RAB4A: variants seen among roughly 807,000 people sequenced by gnomAD.
RAB4A encodes RAB4A, member RAS oncogene family, also known as ras-related protein Rab-4A.
Under a neutral mutation model 34.5 loss-of-function variants are expected in RAB4A, and 20 were observed. That is an observed-to-expected ratio of 0.58 (90% CI 0.41 to 0.84). The LOEUF is 0.84. RAB4A is among the 40% of genes least tolerant of loss of function. RAB4A has a pLI of 0.00. For synonymous variants in RAB4A, 102 were observed against 100.0 expected, an observed-to-expected ratio of 1.02 and a Z score of -0.12; for missense variants, 228 against 274.5, an observed-to-expected ratio of 0.83 and a Z score of 1.20.
At chr1:229,302,274 TATATATATATATATATATATATATA>T (rs1558242146) in intron 6 of RAB4A, among the ~76,000 whole-genome samples, 19 of 14,710 alleles carry the variant, frequency 1.3e-3, no homozygotes, top group African/African-American at 3.4e-3. Context: ...TATATATATA[TATATATATATATATATATATATATA>T]TATATATATA....
At chr1:229,303,445 A>G (rs1558242953) in intron 7 of RAB4A, among the ~76,000 whole-genome samples, 1 of 152,146 alleles carries the variant, frequency 6.6e-6, no homozygotes, top group Non-Finnish European at 1.5e-5. Context: ...GGAAATTCTT[A>G]TGCTCTTGTT....
chr1:229,285,685 A>G (rs1046719291), intron 1 of RAB4A, among the ~76,000 whole-genome samples: 7 of 152,222 alleles, frequency 4.6e-5, no homozygotes, highest in Admixed American at 3.9e-4. Flanking sequence ...AACGGGGAGG[A>G]GGGAGTTGGT....
At chr1:229,278,332 T>C (rs923940627) in intron 1 of RAB4A, among the ~76,000 whole-genome samples, 2 of 152,230 alleles carry the variant, frequency 1.3e-5, no homozygotes, top group Admixed American at 6.5e-5. Flanking sequence ...TCCTTTTAGA[T>C]TGAGATCATT....
Position 229,304,335 on chromosome 1 carries a change from C to G in RAB4A, c.*542C>G, listed in dbSNP as rs1348634384. 1 of 151,482 alleles carries G rather than the reference C, an allele frequency of 6.6e-6. No homozygotes were observed. Among genetic ancestry groups the G allele is most frequent in the East Asian group, 1.9e-4 (1 of 5,172 alleles). 9.4% of individuals were successfully genotyped at this position (151,482 alleles called of 1,614,324 possible). A position where few individuals can be genotyped will look rare whatever the true frequency, so the allele number is the denominator to read the frequency against. On this transcript the variant is annotated 3_prime_UTR_variant, in exon 8 of 8. Coordinates refer to ENST00000366690, the MANE Select transcript of RAB4A (RefSeq NM_004578.4). ...CATTCTACATGGTGTTTACGTGATCCACACTTGAAATACTAGATCAGTAGA... is the reference window on the plus strand; with the variant it reads ...CATTCTACATGGTGTTTACGTGATCGACACTTGAAATACTAGATCAGTAGA...
chr1:229,282,725 C>G (rs1656807183), intron 1 of RAB4A, among the ~76,000 whole-genome samples: 1 of 152,218 alleles, frequency 6.6e-6, no homozygotes, highest in Admixed American at 6.5e-5. Context: ...AGCCCATCCA[C>G]TGAACTTTTA....
intron 1 of RAB4A, among the ~76,000 whole-genome samples, chr1:229,273,142 C>T (rs1487047630): frequency 2.0e-5 from 3 of 152,132 alleles, no homozygotes; most frequent in African/African-American, 7.2e-5. Flanking sequence ...ATAAGAAAAG[C>T]AAGTGGGGGT....
At chr1:229,285,707 C>CCTAAGCTGGA (rs1656906250) in intron 1 of RAB4A, among the ~76,000 whole-genome samples, 1 of 152,108 alleles carries the variant, frequency 6.6e-6, no homozygotes, top group Admixed American at 6.5e-5. Context: ...TTCTGGTACT[C>CCTAAGCTGGA]CCGAGCTCCT....
chr1:229,305,023 CTG>C lies in RAB4A; in HGVS notation c.*1233_*1234del. 8.0e-7 allele frequency: 1 copy of C among 1,251,060 alleles called. No individual in the cohort carries two copies. Among genetic ancestry groups the C allele is most frequent in the Non-Finnish European group, 1.0e-6 (1 of 953,128 alleles). The allele number at this position is 1,251,060 out of a possible 1,614,324, so 77.5% of individuals were successfully genotyped here. ...TCTTCACCTTATATATGTTCTTCCA[CTG>C]TGACTTTTTAGTTGAAGACTAGTAA... On this transcript the variant is annotated 3_prime_UTR_variant, in exon 8 of 8. Coordinates refer to ENST00000366690, the MANE Select transcript of RAB4A (RefSeq NM_004578.4).
intron 3 of RAB4A, among the ~76,000 whole-genome samples, chr1:229,290,983 G>A (rs578188072): frequency 5.9e-5 from 9 of 152,246 alleles, no homozygotes; most frequent in South Asian, 2.1e-4. Context: ...AGACCAGAGC[G>A]TGCCATGTGA....
Position 229,286,548 on chromosome 1 carries a change from C to A in RAB4A, c.94C>A (p.Gln32Lys). 1 of 1,571,588 alleles carries A rather than the reference C, an allele frequency of 6.4e-7. No homozygotes were observed. Residue 32 changes from glutamine to lysine, a missense_variant, in exon 2 of 8, where the codon CAG becomes AAG. Coordinates refer to ENST00000366690, the MANE Select transcript of RAB4A (RefSeq NM_004578.4). ...AGTGKSCLLHQFIEKKFKDDS... is the reference protein window; with the variant it reads ...AGTGKSCLLHKFIEKKFKDDS... The stretch of plus-strand genomic sequence containing the variant: ...AACTGGCAAATCTTGCTTACTTCAT[C>A]AGTTTATTGAAAAAAAATGTAAGTG...
In RAB4A at chr1:229,281,805, AC is replaced by A. The variant is rs533439190; in HGVS notation, c.32-4680del. On this transcript the variant is annotated intron_variant, in intron 1 of 7. Coordinates refer to ENST00000366690, the MANE Select transcript of RAB4A (RefSeq NM_004578.4). The stretch of plus-strand genomic sequence containing the variant: ...CTGTGTATTACTTCATATATACATA[AC>A]TTATCATAGTTATATATATATATAT... Among the ~76,000 whole-genome samples the A allele has an allele frequency of 3.9e-4, 43 of 108,986 alleles. No homozygotes were observed. In the South Asian group the frequency reaches 0.013, roughly 32 times the overall value. 71.5% of individuals were successfully genotyped at this position (108,986 alleles called of 152,430 possible).
Position 229,302,299 on chromosome 1 carries a change from ATATATATATATTTTT to A in RAB4A, c.542-561_542-547del, listed in dbSNP as rs1214604768. 2.0e-3 allele frequency among the ~76,000 whole-genome samples: 76 copies of A among 37,626 alleles called. 1 individual carries two copies. Among genetic ancestry groups the A allele is most frequent in the African/African-American group, 7.1e-3 (67 of 9,472 alleles). 24.7% of individuals were successfully genotyped at this position (37,626 alleles called of 152,430 possible). Reference sequence around the variant, plus strand: ...TATATATATATATATATATATATATATATATATATATTTTTTTTTTTTTTTTACATGTGCATGAGT... The same window carrying A: ...TATATATATATATATATATATATATATTTTTTTTTTTACATGTGCATGAGT... On this transcript the variant is annotated intron_variant, in intron 6 of 7. Transcript: ENST00000366690.
In RAB4A at chr1:229,302,280, TA is replaced by T. The variant is rs55807804; in HGVS notation, c.542-581del. 4.5e-3 allele frequency among the ~76,000 whole-genome samples: 89 copies of T among 19,816 alleles called. 2 individuals carry two copies. Among genetic ancestry groups the T allele is most frequent in the East Asian group, 6.5e-3 (6 of 918 alleles). 13.0% of individuals were successfully genotyped at this position (19,816 alleles called of 152,430 possible). Reference sequence around the variant, plus strand: ...AATTATATATATATATATATATATATATATATATATATATATATATATATAT... The same window carrying T: ...AATTATATATATATATATATATATATTATATATATATATATATATATATAT... On this transcript the variant is annotated intron_variant, in intron 6 of 7. Coordinates refer to ENST00000366690, the MANE Select transcript of RAB4A (RefSeq NM_004578.4).
In RAB4A at chr1:229,295,850, C is replaced by A. The variant is rs1252542011; in HGVS notation, c.230C>A (p.Ser77Tyr). ...WDTAGQERFR[S>Y]VTRSYYRGAA... ...TAAAACCAGTATAATTCTTCCAGGT[C>A]CGTGACGAGAAGTTATTACCGAGGC... Residue 77 changes from serine to tyrosine, a missense_variant and splice_region_variant, in exon 4 of 8, where the codon TCC becomes TAC. By Grantham distance (144) the Ser-to-Tyr change is moderately radical. Coordinates refer to ENST00000366690, the MANE Select transcript of RAB4A (RefSeq NM_004578.4). 1.2e-6 allele frequency: 2 copies of A among 1,613,840 alleles called. No individual in the cohort carries two copies. Among genetic ancestry groups the A allele is most frequent in the African/African-American group, 2.7e-5 (2 of 74,904 alleles).
chr1:229,304,964 C>A lies in RAB4A; in HGVS notation c.*1171C>A. On this transcript the variant is annotated 3_prime_UTR_variant, in exon 8 of 8. Coordinates refer to ENST00000366690, the MANE Select transcript of RAB4A (RefSeq NM_004578.4). ...GGAACCTTTCTTTAAAGTTGAAATG[C>A]AGTATTATTTAAATCTGAAAGGTTA... is the stretch of plus-strand genomic sequence containing the variant. 1.1e-5 allele frequency: 7 copies of A among 619,194 alleles called. No individual in the cohort carries two copies. Among genetic ancestry groups the A allele is most frequent in the Middle Eastern group, 5.0e-4 (1 of 2,006 alleles). The allele number at this position is 619,194 out of a possible 1,614,324, so 38.4% of individuals were successfully genotyped here. A position where few individuals can be genotyped will look rare whatever the true frequency, so the allele number is the denominator to read the frequency against.
chr1:229,282,176 C>T (rs1656795131), intron 1 of RAB4A, among the ~76,000 whole-genome samples: 1 of 151,970 alleles, frequency 6.6e-6, no homozygotes, highest in South Asian at 2.1e-4. Flanking sequence ...TTCATTTACC[C>T]TTTATTCCAG....
At position 229,277,169 on chromosome 1, in the gene RAB4A, G is replaced by A. The variant is rs372202800; in HGVS notation, c.31+5799G>A. Among the ~76,000 whole-genome samples, 54 of 150,712 alleles carry A rather than the reference G, an allele frequency of 3.6e-4. 5 individuals are homozygous for A. The highest frequency in any genetic ancestry group is 1.3e-3 in the African/African-American group (52 of 40,316). ...TTCCTCAAATCAGCCTCCTCAGTGT[G>A]TGTGATCCCAACGAATGGGTCAGGA... On this transcript the variant is annotated intron_variant, in intron 1 of 7. Transcript: ENST00000366690.
chr1:229,284,105 T>G (rs1274724123), intron 1 of RAB4A, among the ~76,000 whole-genome samples: 1 of 141,584 alleles, frequency 7.1e-6, no homozygotes, highest in African/African-American at 2.6e-5. Flanking sequence ...TTTTTTTTTT[T>G]TTTTTTTTTT....
intron 5 of RAB4A, among the ~76,000 whole-genome samples, chr1:229,298,145 T>C (rs144678322): frequency 2.0e-5 from 3 of 152,320 alleles, no homozygotes; most frequent in East Asian, 3.9e-4. Flanking sequence ...GGTTGCTTAA[T>C]TAATGGATAA....
Sources: allele counts gnomAD v4.1 joint callset (sites outside exome capture counted in the v4.1 genomes callset), GRCh38; gene constraint gnomAD v4.1.1; transcripts MANE v1.5; gene names NCBI Gene and HGNC (gene_info 2026-07-23, HGNC 2026-07-21).